MAP6: variants seen among roughly 807,000 people sequenced by gnomAD.
The protein encoded by MAP6 is microtubule associated protein 6.
A neutral mutation model predicts 42.4 loss-of-function variants in MAP6; 26 were observed. That is an observed-to-expected ratio of 0.61 (90% CI 0.45 to 0.85). The LOEUF (loss-of-function observed/expected upper bound fraction) is 0.85, where lower values mean the gene tolerates loss of function less well. Among genes scored for constraint, MAP6 ranks in the 40% least tolerant of loss-of-function variants. The pLI is 0.00. For missense variants in MAP6, 966 were observed against 1,099.0 expected (o/e 0.88, Z 1.71); for synonymous variants, 418 against 443.8 (o/e 0.94, Z 0.73).
At chr11:75,622,203 T>C (rs2135616463) in intron 1 of MAP6, among the ~76,000 whole-genome samples, 1 of 152,152 alleles carries the variant, frequency 6.6e-6, no homozygotes, top group South Asian at 2.1e-4. Flanking sequence ...CACAATAATA[T>C]CAAGCAGAAT....
chr11:75,588,561 G>A (rs1942413589), intron 3 of MAP6, among the ~76,000 whole-genome samples: 1 of 152,082 alleles, frequency 6.6e-6, no homozygotes, highest in Non-Finnish European at 1.5e-5. Flanking sequence ...GGATCGTTGG[G>A]CCCATCCTGG....
rs1301889900 is a variant in MAP6 at position 75,667,460 on chromosome 11, C to T, written c.905+5G>A. 8.7e-6 allele frequency: 13 copies of T among 1,488,176 alleles called. No homozygotes were observed. The highest frequency in any genetic ancestry group is 1.1e-5 in the Non-Finnish European group (12 of 1,127,340). The allele number at this position is 1,488,176 out of a possible 1,614,324, so 92.2% of individuals were successfully genotyped here. ...TCCCCCGCGCTAGCAGCGGCCGCGTCTCACCTGTAGGAGCTGCTCACTGCA... is the reference window on the plus strand; with the variant it reads ...TCCCCCGCGCTAGCAGCGGCCGCGTTTCACCTGTAGGAGCTGCTCACTGCA... On this transcript the variant is annotated splice_donor_5th_base_variant and intron_variant, in intron 1 of 3. Transcript: ENST00000304771. The surrounding 1 kb of genome is among the most constrained non-coding windows in gnomAD (Gnocchi z 5.6).
chr11:75,604,453 C>T lies in MAP6; in HGVS notation c.1316+1355G>A, dbSNP rs540939255. On this transcript the variant is annotated intron_variant, in intron 3 of 3. Coordinates refer to ENST00000304771, the MANE Select transcript of MAP6 (RefSeq NM_033063.2). Reference sequence around the variant, plus strand: ...GCAAGCCTGCGCCGGGGCTTGACACCGGACGGCAGCCCAGTGTGTCAGAAT... The same window carrying T: ...GCAAGCCTGCGCCGGGGCTTGACACTGGACGGCAGCCCAGTGTGTCAGAAT... 35 of 985,426 alleles carry T rather than the reference C, an allele frequency of 3.6e-5. No homozygotes were observed. In the African/African-American group the frequency reaches 4.2e-4, roughly 12 times the overall value. The allele number at this position is 985,426 out of a possible 1,614,324, so 61.0% of individuals were successfully genotyped here.
At chr11:75,641,345 G>T (rs953022504) in intron 1 of MAP6, among the ~76,000 whole-genome samples, 1 of 118,376 alleles carries the variant, frequency 8.4e-6, no homozygotes, top group African/African-American at 3.1e-5. Flanking sequence ...GGGGTGGGGG[G>T]AGGGGGAGGG....
At chr11:75,593,175 C>CA (rs1332972181) in intron 3 of MAP6, among the ~76,000 whole-genome samples, 1 of 152,214 alleles carries the variant, frequency 6.6e-6, no homozygotes, top group African/African-American at 2.4e-5. Flanking sequence ...GTCCAGAGGG[C>CA]AGGGACCATG....
chr11:75,606,100 G>A (rs1013723209), intron 2 of MAP6, 96 bp from the exon 3 acceptor site: 26 of 1,439,310 alleles, frequency 1.8e-5, no homozygotes, highest in African/African-American at 1.3e-4. Flanking sequence ...AAGGAATGAC[G>A]GTAATGACAG....
intron 1 of MAP6, among the ~76,000 whole-genome samples, chr11:75,640,394 T>C (rs1010669922): frequency 1.3e-5 from 2 of 152,088 alleles, no homozygotes; most frequent in Non-Finnish European, 2.9e-5. Context: ...AAGGGAATAG[T>C]TTACTAGGAG....
chr11:75,664,561 T>C (rs1318458312), intron 1 of MAP6, among the ~76,000 whole-genome samples: 1 of 152,228 alleles, frequency 6.6e-6, no homozygotes, highest in Admixed American at 6.5e-5. Flanking sequence ...TACACCATAA[T>C]TTATGTAGAA....
chr11:75,604,831 G>A (rs946383923), intron 3 of MAP6: 8 of 985,362 alleles, frequency 8.1e-6, no homozygotes, highest in Admixed American at 6.1e-5. Context: ...GCCTGGCACC[G>A]CTGCCCTCTC....
At chr11:75,623,145 T>C (rs953253679) in intron 1 of MAP6, among the ~76,000 whole-genome samples, 4 of 152,194 alleles carry the variant, frequency 2.6e-5, no homozygotes, top group African/African-American at 9.7e-5. Context: ...ATCCATATAA[T>C]GGAATACTAC....
chr11:75,594,930 C>T (rs749200095), intron 3 of MAP6, among the ~76,000 whole-genome samples: 20 of 152,344 alleles, frequency 1.3e-4, no homozygotes, highest in Non-Finnish European at 2.9e-4. Flanking sequence ...TAAGCCTTAT[C>T]GGCCTGTGTC....
intron 3 of MAP6, among the ~76,000 whole-genome samples, chr11:75,591,083 T>C (rs1311661479): frequency 2.0e-5 from 3 of 152,214 alleles, no homozygotes; most frequent in Non-Finnish European, 4.4e-5. Context: ...AGCTTTGTAA[T>C]CCCAATATAA....
intron 1 of MAP6, among the ~76,000 whole-genome samples, chr11:75,622,700 G>C (rs926957857): frequency 6.6e-6 from 1 of 152,202 alleles, no homozygotes; most frequent in Non-Finnish European, 1.5e-5. Context: ...GAGAAACAAA[G>C]TATGAGGATT....
intron 1 of MAP6, among the ~76,000 whole-genome samples, chr11:75,613,463 G>A (rs533431006): frequency 6.6e-6 from 1 of 152,226 alleles, no homozygotes; most frequent in East Asian, 1.9e-4. Flanking sequence ...CACATTGGGA[G>A]GGTCCCATAT....
At chr11:75,624,920 G>A (rs1590781841) in intron 1 of MAP6, among the ~76,000 whole-genome samples, 1 of 152,120 alleles carries the variant, frequency 6.6e-6, no homozygotes, top group Non-Finnish European at 1.5e-5. Flanking sequence ...TGTTCAACAC[G>A]CATTGAGGAT....
At chr11:75,615,736 A>G (rs938388516) in intron 1 of MAP6, among the ~76,000 whole-genome samples, 1 of 152,224 alleles carries the variant, frequency 6.6e-6, no homozygotes, top group Non-Finnish European at 1.5e-5. Context: ...ACAAAGTAGC[A>G]TTCAATGAAT....
chr11:75,652,636 G>A (rs746964431), intron 1 of MAP6, among the ~76,000 whole-genome samples: 2 of 151,874 alleles, frequency 1.3e-5, no homozygotes, highest in Non-Finnish European at 2.9e-5. Flanking sequence ...TCAGGATATC[G>A]AGACCATCCT....
chr11:75,597,788 G>C (rs140125268), intron 3 of MAP6, among the ~76,000 whole-genome samples: 44 of 152,368 alleles, frequency 2.9e-4, no homozygotes, highest in Non-Finnish European at 5.0e-4. Context: ...GCAGGGGCCA[G>C]ATGAAAGGCT....
At chr11:75,626,190 C>T (rs1344645384) in intron 1 of MAP6, among the ~76,000 whole-genome samples, 2 of 152,280 alleles carry the variant, frequency 1.3e-5, no homozygotes, top group South Asian at 4.1e-4. Context: ...AGGACAGGAG[C>T]GTATCTGAGC....
Sources: allele counts gnomAD v4.1 joint callset (sites outside exome capture counted in the v4.1 genomes callset), GRCh38; gene constraint gnomAD v4.1.1; non-coding constraint Gnocchi (gnomAD v3.1); transcripts MANE v1.5; gene names NCBI Gene and HGNC (gene_info 2026-07-23, HGNC 2026-07-21).